Variants in VPS33B observed in about 807,000 individuals in gnomAD.
VPS33B encodes vacuolar protein sorting-associated protein 33B.
In VPS33B, 80 loss-of-function variants were observed where a neutral mutation model predicts 95.3. That is an observed-to-expected ratio of 0.84 (90% CI 0.70 to 1.01). VPS33B has a LOEUF of 1.01. Ranked by LOEUF, VPS33B falls within the 50% of genes least tolerant of loss-of-function variation. VPS33B has a pLI of 0.00. For missense variants in VPS33B, 715 were observed against 773.4 expected (o/e 0.92, Z 0.90); for synonymous variants, 280 against 280.4 (o/e 1.00, Z 0.01).
At position 91,009,141 on chromosome 15, in the gene VPS33B, T is replaced by C. The variant is rs1329330202; in HGVS notation, c.403+660A>G. On this transcript the variant is annotated intron_variant, in intron 6 of 22. Transcript: ENST00000333371. This position sits in a 1 kb window ranked among gnomAD's most constrained non-coding sequence, Gnocchi z 4.1. ...CACAGAGGGGAGGCCCAGTTTTTCC[T>C]GTGGGAGCCTTGGAAGGTGAGAAAA... Among the ~76,000 whole-genome samples, 1 of 152,164 alleles carries C rather than the reference T, an allele frequency of 6.6e-6. No individual in the cohort carries two copies. The highest frequency in any genetic ancestry group is 1.5e-5 in the Non-Finnish European group (1 of 68,022).
Position 91,007,735 on chromosome 15 carries a change from A to C in VPS33B, c.498+135T>G. Reference sequence around the variant, plus strand: ...AGTCCCACAGAGACCAATCTGTAGCACTCAATCACCACATCACTATCACTT... The same window carrying C: ...AGTCCCACAGAGACCAATCTGTAGCCCTCAATCACCACATCACTATCACTT... On this transcript the variant is annotated intron_variant, in intron 7 of 22. Transcript: ENST00000333371. The surrounding 1 kb of genome is among the most constrained non-coding windows in gnomAD (Gnocchi z 5.3). The C allele has an allele frequency of 8.7e-7, 1 of 1,146,572 alleles. No individual in the cohort carries two copies. 71.0% of individuals were successfully genotyped at this position (1,146,572 alleles called of 1,614,324 possible). A position where few individuals can be genotyped will look rare whatever the true frequency, so the allele number is the denominator to read the frequency against.
rs2040790948 is a variant in VPS33B at position 91,011,909 on chromosome 15, A to G, written c.357+1895T>C. ...GAAGCTGAGGCAGGAGAATTGCTTG[A>G]ACCTGGGAGGCGGAGGTTGCAGTGA... On this transcript the variant is annotated intron_variant, in intron 5 of 22. Coordinates refer to ENST00000333371, the MANE Select transcript of VPS33B (RefSeq NM_018668.5). This position sits in a 1 kb window ranked among gnomAD's most constrained non-coding sequence, Gnocchi z 5.5. 6.6e-6 allele frequency among the ~76,000 whole-genome samples: 1 copy of G among 152,122 alleles called. No homozygotes were observed. Among genetic ancestry groups the G allele is most frequent in the Non-Finnish European group, 1.5e-5 (1 of 68,024 alleles).
In VPS33B at chr15:91,006,732, G is replaced by A. The variant is rs759446883; in HGVS notation, c.701-3C>T. ...AAGTGCTGTCACAAAGTCCACATCT[G>A]AAACAGAGATCCCTGACCATGAAGG... On this transcript the variant is annotated splice_polypyrimidine_tract_variant and splice_region_variant and intron_variant, in intron 9 of 22. Transcript: ENST00000333371. This position sits in a 1 kb window ranked among gnomAD's most constrained non-coding sequence, Gnocchi z 5.4. The A allele has an allele frequency of 1.2e-6, 2 of 1,614,170 alleles. No individual in the cohort carries two copies. Among genetic ancestry groups the A allele is most frequent in the Non-Finnish European group, 1.7e-6 (2 of 1,180,026 alleles).
Position 91,003,000 on chromosome 15 carries a change from G to C in VPS33B, c.1272+85C>G, listed in dbSNP as rs2040487007. ...ACAGGAGGGTAATGGAGGCAGGAAAGGGGCCACTTCTCTTGCCTCTTTCAA... is the reference window on the plus strand; with the variant it reads ...ACAGGAGGGTAATGGAGGCAGGAAACGGGCCACTTCTCTTGCCTCTTTCAA... On this transcript the variant is annotated intron_variant, in intron 17 of 22. Transcript: ENST00000333371. This position sits in a 1 kb window ranked among gnomAD's most constrained non-coding sequence, Gnocchi z 4.7. The C allele has an allele frequency of 1.4e-6, 2 of 1,448,222 alleles. No homozygotes were observed. Among genetic ancestry groups the C allele is most frequent in the East Asian group, 4.5e-5 (2 of 44,100 alleles). The allele number at this position is 1,448,222 out of a possible 1,614,324, so 89.7% of individuals were successfully genotyped here.
chr15:90,999,591 T>G lies in VPS33B; in HGVS notation c.1774+86A>C. The G allele has an allele frequency of 7.1e-7, 1 of 1,414,452 alleles. No homozygotes were observed. The highest frequency in any genetic ancestry group is 2.3e-5 in the East Asian group (1 of 43,856). The allele number at this position is 1,414,452 out of a possible 1,614,324, so 87.6% of individuals were successfully genotyped here. Reference sequence around the variant, plus strand: ...GCCTCCGCCTCCCAAAGTGCTGAGATTACAGGTATGAACCACCGTGCCCAG... The same window carrying G: ...GCCTCCGCCTCCCAAAGTGCTGAGAGTACAGGTATGAACCACCGTGCCCAG... On this transcript the variant is annotated intron_variant, in intron 22 of 22. Coordinates refer to ENST00000333371, the MANE Select transcript of VPS33B (RefSeq NM_018668.5). This position sits in a 1 kb window ranked among gnomAD's most constrained non-coding sequence, Gnocchi z 5.1.
intron 3 of VPS33B, 126 bp from the exon 4 acceptor site, chr15:91,014,559 A>T: frequency 1.9e-6 from 2 of 1,042,052 alleles, no homozygotes; most frequent in Non-Finnish European, 3.0e-6. Flanking sequence ...AGCCAAAGCT[A>T]TGCTATTCTC....
chr15:91,018,384 T>C lies in VPS33B; in HGVS notation c.97-499A>G, dbSNP rs1053851694. 6.6e-6 allele frequency among the ~76,000 whole-genome samples: 1 copy of C among 152,126 alleles called. No homozygotes were observed. Among genetic ancestry groups the C allele is most frequent in the African/African-American group, 2.4e-5 (1 of 41,428 alleles). On this transcript the variant is annotated intron_variant, in intron 1 of 22. Transcript: ENST00000333371. The surrounding 1 kb of genome is among the most constrained non-coding windows in gnomAD (Gnocchi z 4.7). Reference sequence around the variant, plus strand: ...CCACTCCCCCACCCCACAATCCCTGTCATACGATTCCTGCACCACCACTCC... The same window carrying C: ...CCACTCCCCCACCCCACAATCCCTGCCATACGATTCCTGCACCACCACTCC...
Position 91,017,826 on chromosome 15 carries a change from AATTCG to A in VPS33B, c.151_155del (p.Arg51CysfsTer27). 1 of 1,614,132 alleles carries A rather than the reference AATTCG, an allele frequency of 6.2e-7. No homozygotes were observed. Among genetic ancestry groups the A allele is most frequent in the Non-Finnish European group, 8.5e-7 (1 of 1,179,988 alleles). On this transcript the variant is annotated frameshift_variant, in exon 2 of 23. Coordinates refer to ENST00000333371, the MANE Select transcript of VPS33B (RefSeq NM_018668.5). LOFTEE classifies it high-confidence loss of function. The stretch of plus-strand genomic sequence containing the variant: ...GTACCTTCAGGATGGAGACATTGGC[AATTCG>A]ATCCAAAGGGCTCATGAGATCTGCC...
Position 91,007,230 on chromosome 15 carries a change from G to A in VPS33B, c.604-184C>T, listed in dbSNP as rs1468217872. Among the ~76,000 whole-genome samples, 1 of 152,174 alleles carries A rather than the reference G, an allele frequency of 6.6e-6. No homozygotes were observed. Among genetic ancestry groups the A allele is most frequent in the Admixed American group, 6.5e-5 (1 of 15,282 alleles). The stretch of plus-strand genomic sequence containing the variant: ...TTTCCCCAACACTCTTCCTACTGAT[G>A]AGAAGATGTGTTACTCTGTCCCCAA... On this transcript the variant is annotated intron_variant, in intron 8 of 22. Coordinates refer to ENST00000333371, the MANE Select transcript of VPS33B (RefSeq NM_018668.5). The surrounding 1 kb of genome is among the most constrained non-coding windows in gnomAD (Gnocchi z 5.3).
rs1275550955 is a variant in VPS33B, at chr15:91,022,264, G to A, written c.-15C>T. On this transcript the variant is annotated 5_prime_UTR_variant, in exon 1 of 23. Coordinates refer to ENST00000333371, the MANE Select transcript of VPS33B (RefSeq NM_018668.5). The stretch of plus-strand genomic sequence containing the variant: ...GGAAAAGCCATGGCAGCGGTCACCT[G>A]CGCCGCGGGGTGGAAGGACGCCCTT... The A allele has an allele frequency of 6.5e-7, 1 of 1,544,120 alleles. No homozygotes were observed. Among genetic ancestry groups the A allele is most frequent in the Non-Finnish European group, 8.8e-7 (1 of 1,138,328 alleles).
At position 91,002,214 on chromosome 15, in the gene VPS33B, G is replaced by C. The variant is rs2040459460; in HGVS notation, c.1273-32C>G. 6.2e-7 allele frequency: 1 copy of C among 1,613,442 alleles called. No homozygotes were observed. Among genetic ancestry groups the C allele is most frequent in the South Asian group, 1.1e-5 (1 of 90,916 alleles). Reference sequence around the variant, plus strand: ...AAGATGCAATTAGACTATTTACTGAGTGTCCAAAGAGCATCTAGTACTGTC... The same window carrying C: ...AAGATGCAATTAGACTATTTACTGACTGTCCAAAGAGCATCTAGTACTGTC... On this transcript the variant is annotated intron_variant, in intron 17 of 22. Transcript: ENST00000333371. The surrounding 1 kb of genome is among the most constrained non-coding windows in gnomAD (Gnocchi z 4.7).
intron 16 of VPS33B, among the ~76,000 whole-genome samples, chr15:91,003,620 A>C (rs932541948): frequency 1.3e-5 from 2 of 151,968 alleles, no homozygotes; most frequent in African/African-American, 4.8e-5. Flanking sequence ...TTGTATTTTT[A>C]GTAGAGACAG....
intron 5 of VPS33B, among the ~76,000 whole-genome samples, chr15:91,012,496 C>G (rs186645742): frequency 6.6e-6 from 1 of 152,272 alleles, no homozygotes; most frequent in East Asian, 1.9e-4. Flanking sequence ...GTAATAAGGC[C>G]TCAAGGGTGG....
Position 91,006,412 on chromosome 15 carries a change from G to C in VPS33B, c.812C>G (p.Ser271Cys). Residue 271 changes from serine to cysteine, a missense_variant, in exon 11 of 23, where the codon TCT (serine) becomes TGT (cysteine). By Grantham distance (112) the Ser-to-Cys change is moderately radical. Transcript: ENST00000333371. This position sits in a 1 kb window ranked among gnomAD's most constrained non-coding sequence, Gnocchi z 5.4. ...GAGTAGCACCTTCAGGCTCTTGTCA[G>C]AGGATGTGACTTCTGGGCCAAAGTC... ...SVDFGPEVTS[S>C]DKSLKVLLNA... is the part of the protein sequence containing the mutation. 6.2e-7 allele frequency: 1 copy of C among 1,614,106 alleles called. No homozygotes were observed. The highest frequency in any genetic ancestry group is 2.2e-5 in the East Asian group (1 of 44,892).
intron 16 of VPS33B, among the ~76,000 whole-genome samples, chr15:91,004,055 C>A (rs936296437): frequency 3.3e-5 from 5 of 151,952 alleles, no homozygotes; most frequent in Admixed American, 2.6e-4. Flanking sequence ...AAAACCCTGT[C>A]TCTATTAAAA....
chr15:91,020,436 T>C (rs1407632209), intron 1 of VPS33B, among the ~76,000 whole-genome samples: 1 of 152,330 alleles, frequency 6.6e-6, no homozygotes, highest in African/African-American at 2.4e-5. Context: ...ACTTTGGCCA[T>C]GCTGAATCAC....
rs769729058 is a variant in VPS33B at position 91,006,947 on chromosome 15, T to C, written c.700+3A>G. On this transcript the variant is annotated splice_donor_region_variant and intron_variant, in intron 9 of 22. Coordinates refer to ENST00000333371, the MANE Select transcript of VPS33B (RefSeq NM_018668.5). The surrounding 1 kb of genome is among the most constrained non-coding windows in gnomAD (Gnocchi z 5.4). ...GATGACAGGAACGCTGGGCATAATT[T>C]ACCTCTGTCCAAGAGAAAGATATGT... 1 of 1,614,176 alleles carries C rather than the reference T, an allele frequency of 6.2e-7. No individual in the cohort carries two copies. Among genetic ancestry groups the C allele is most frequent in the Non-Finnish European group, 8.5e-7 (1 of 1,180,034 alleles).
chr15:91,008,079 A>C (rs566915157), intron 6 of VPS33B, 115 bp from the exon 7 acceptor site: 21 of 904,190 alleles, frequency 2.3e-5, no homozygotes, highest in African/African-American at 2.0e-4. Flanking sequence ...TGCCTGCCAC[A>C]TGCCAGTACT....
chr15:91,004,946 A>G lies in VPS33B; in HGVS notation c.1171-15T>C. ...ATAGGCGACACCTGCATAGGAAGAA[A>G]GAATCAAGGAGAATTGAAGCTTCAC... On this transcript the variant is annotated splice_polypyrimidine_tract_variant and intron_variant, in intron 15 of 22. Coordinates refer to ENST00000333371, the MANE Select transcript of VPS33B (RefSeq NM_018668.5). 1 of 1,614,238 alleles carries G rather than the reference A, an allele frequency of 6.2e-7. No homozygotes were observed. Among genetic ancestry groups the G allele is most frequent in the Non-Finnish European group, 8.5e-7 (1 of 1,180,050 alleles).
Sources: allele counts gnomAD v4.1 joint callset (sites outside exome capture counted in the v4.1 genomes callset), GRCh38; gene constraint gnomAD v4.1.1; non-coding constraint Gnocchi (gnomAD v3.1); transcripts MANE v1.5; gene names NCBI Gene and HGNC (gene_info 2026-07-23, HGNC 2026-07-21).